AHNAK: variants seen among roughly 807,000 people sequenced by gnomAD.
The protein encoded by AHNAK is neuroblast differentiation-associated protein AHNAK.
Under a neutral mutation model 37.8 loss-of-function variants are expected in AHNAK, and 23 were observed. The ratio of observed to expected loss-of-function variants is 0.61; its 90% CI spans 0.44 to 0.86. The LOEUF is 0.86. Among genes scored for constraint, AHNAK ranks in the 40% least tolerant of loss-of-function variants. The pLI is 0.00. For missense variants in AHNAK, 7,411 were observed against 7,319.4 expected (o/e 1.01, Z -0.46); for synonymous variants, 2,481 against 2,636.3 (o/e 0.94, Z 1.80).
rs760484895 is a variant in AHNAK, at chr11:62,535,142, C to T, written c.203G>A (p.Gly68Asp). The change falls in exon 4 of 5, where the codon GGT (glycine) becomes GAT (aspartate). Residue 68 changes from glycine (G) to aspartate (D), a missense_variant. Gly to Asp is a moderately conservative substitution (Grantham distance 94). Coordinates refer to ENST00000378024, the MANE Select transcript of AHNAK (RefSeq NM_001620.3). ...ATIYFDNLQS[G>D]EVTQLLNTMG... The stretch of plus-strand genomic sequence containing the variant: ...GGTGTTCAGCAGCTGGGTCACCTCA[C>T]CCGACTGCAGGTTGTCAAAGTAGAT... 3.1e-6 allele frequency: 5 copies of T among 1,613,230 alleles called. No homozygotes were observed. Among genetic ancestry groups the T allele is most frequent in the South Asian group, 1.1e-5 (1 of 91,086 alleles).
In AHNAK at chr11:62,524,527, T is replaced by A; in HGVS notation, c.9890A>T (p.Glu3297Val). The A allele has an allele frequency of 6.2e-7, 1 of 1,614,216 alleles. No individual in the cohort carries two copies. Among genetic ancestry groups the A allele is most frequent in the Non-Finnish European group, 8.5e-7 (1 of 1,180,034 alleles). ...TGAGCCTTTCAAATTCAAGTCAATT[T>A]CTGGCATGGAGATCTTGGGCATGTT... ...HVNMPKISMP[E>V]IDLNLKGSKL... The change falls in exon 5 of 5, where the codon GAA becomes GTA. Residue 3297 changes from glutamate to valine, a missense_variant. Transcript: ENST00000378024.
chr11:62,517,479 T>C lies in AHNAK; in HGVS notation c.16938A>G (p.Gln5646=), dbSNP rs768743408. ...TTCCAGATCCACTTTCCAAGTGACC[T>C]TGAGGCCCAGACACACTCAGCCCAG... ...QAPGLSVSGP[Q]GHLESGSGKV... is the part of the protein sequence containing the mutation. The change falls in exon 5 of 5, where the codon CAA becomes CAG. Residue 5646 remains glutamine, a synonymous_variant. Transcript: ENST00000378024. 2 of 1,614,176 alleles carry C rather than the reference T, an allele frequency of 1.2e-6. No individual in the cohort carries two copies. Among genetic ancestry groups the C allele is most frequent in the Non-Finnish European group, 8.5e-7 (1 of 1,180,038 alleles).
rs199992585 is a variant in AHNAK, at chr11:62,519,990, G to C, written c.14427C>G (p.Ile4809Met). ...DVDVSLPKAD[I>M]DVSGPKVDVD... ...CGTCCACCTTGGGTCCCGAGACATC[G>C]ATGTCGGCCTTGGGCAGGCTCACAT... Residue 4809 changes from isoleucine to methionine, a missense_variant, in exon 5 of 5, where the codon ATC becomes ATG. By Grantham distance (10) the Ile-to-Met change is conservative. Coordinates refer to ENST00000378024, the MANE Select transcript of AHNAK (RefSeq NM_001620.3). The C allele has an allele frequency of 2.5e-6, 4 of 1,610,056 alleles. No homozygotes were observed. The African/African-American group carries it at 5.4e-5, about 22-fold the overall frequency.
chr11:62,483,451 G>C (rs1012394300), intron 5 of AHNAK, among the ~76,000 whole-genome samples: 2 of 152,252 alleles, frequency 1.3e-5, no homozygotes, highest in Non-Finnish European at 2.9e-5. Flanking sequence ...GGCGGGCCGG[G>C]CGCGGTGGCT....
At chr11:62,514,485 G>A (rs1270151590), downstream of AHNAK, among the ~76,000 whole-genome samples, 4 of 152,152 alleles carry the variant, frequency 2.6e-5, no homozygotes, top group Non-Finnish European at 4.4e-5. Flanking sequence ...GTGCAGCAGG[G>A]GGTTTCTGTA....
At chr11:62,500,847 G>T (rs954797060) in intron 4 of AHNAK, among the ~76,000 whole-genome samples, 2 of 152,206 alleles carry the variant, frequency 1.3e-5, no homozygotes, top group South Asian at 4.1e-4. Context: ...GCGTTGAGCT[G>T]GGAATGCTCA....
intron 5 of AHNAK, among the ~76,000 whole-genome samples, chr11:62,472,094 C>T (rs1186646830): frequency 2.0e-5 from 3 of 151,700 alleles, no homozygotes; most frequent in Non-Finnish European, 2.9e-5. Flanking sequence ...GGGCTGGCTC[C>T]GTATCAGTCC....
chr11:62,529,204 T>G lies in AHNAK; in HGVS notation c.5213A>C (p.Lys1738Thr). The G allele has an allele frequency of 6.2e-7, 1 of 1,614,210 alleles. No individual in the cohort carries two copies. The highest frequency in any genetic ancestry group is 2.2e-5 in the East Asian group (1 of 44,888). Reference protein sequence around the residue: ...EGPEVDVNLPKADIDVSGPSV... With the variant: ...EGPEVDVNLPTADIDVSGPSV... ...GGGTCCAGACACATCAATGTCAGCC[T>G]TTGGCAGATTCACATCCACTTCAGG... Residue 1738 changes from lysine to threonine, a missense_variant, in exon 5 of 5, where the codon AAG becomes ACG. Transcript: ENST00000378024.
Position 62,518,564 on chromosome 11 carries a change from C to T in AHNAK, c.15853G>A (p.Val5285Ile). Reference protein sequence around the residue: ...GPDVSLKGPGVDLPSVNLSMP... With the variant: ...GPDVSLKGPGIDLPSVNLSMP... The stretch of plus-strand genomic sequence containing the variant: ...GAGAGGTTCACTGAAGGCAAGTCTA[C>T]TCCTGGCCCCTTTAGAGAAACATCG... Residue 5285 changes from valine (V) to isoleucine (I), a missense_variant, in exon 5 of 5, where the codon GTA becomes ATA. Transcript: ENST00000378024. 1 of 1,614,206 alleles carries T rather than the reference C, an allele frequency of 6.2e-7. No individual in the cohort carries two copies. The highest frequency in any genetic ancestry group is 1.7e-5 in the Admixed American group (1 of 60,028).
intron 5 of AHNAK, among the ~76,000 whole-genome samples, chr11:62,482,549 A>G (rs1309790959): frequency 6.6e-6 from 1 of 152,218 alleles, no homozygotes; most frequent in Non-Finnish European, 1.5e-5. Context: ...CTCCACTGCC[A>G]AATCGGGATA....
At position 62,531,728 on chromosome 11, in the gene AHNAK, C is replaced by T. The variant is rs1565243994; in HGVS notation, c.2689G>A (p.Val897Met). Residue 897 changes from valine to methionine, a missense_variant, in exon 5 of 5, where the codon GTG becomes ATG. Val to Met is a conservative substitution (Grantham distance 21). Coordinates refer to ENST00000378024, the MANE Select transcript of AHNAK (RefSeq NM_001620.3). ...MPGFKAEGPE[V>M]DVNLPKADVD... The stretch of plus-strand genomic sequence containing the variant: ...TCAGCCTTGGGCAGGTTCACATCCA[C>T]TTCTGGGCCCTCTGCTTTGAAGCCA... The T allele has an allele frequency of 1.2e-6, 2 of 1,614,068 alleles. No individual in the cohort carries two copies. The highest frequency in any genetic ancestry group is 4.5e-5 in the East Asian group (2 of 44,870).
At chr11:62,466,500 C>A (rs1372788922) in intron 5 of AHNAK, among the ~76,000 whole-genome samples, 4 of 140,186 alleles carry the variant, frequency 2.9e-5, no homozygotes, top group Non-Finnish European at 6.1e-5. Context: ...TTACCAGACT[C>A]TCTTCTCATT....
Position 62,522,903 on chromosome 11 carries a change from G to C in AHNAK, c.11514C>G (p.Pro3838=), listed in dbSNP as rs1940318685. 6.2e-7 allele frequency: 1 copy of C among 1,612,478 alleles called. No individual in the cohort carries two copies. Among genetic ancestry groups the C allele is most frequent in the Middle Eastern group, 1.6e-4 (1 of 6,070 alleles). Residue 3838 remains proline, a synonymous_variant, in exon 5 of 5, where the codon CCC becomes CCG. Transcript: ENST00000378024. The part of the protein sequence containing the change: ...LPKADLDVSG[P]KVDIDVPDVN... ...CATCTGGAACATCAATGTCCACCTT[G>C]GGTCCTGAGACATCAAGGTCAGCCT... is the stretch of plus-strand genomic sequence containing the variant.
intron 5 of AHNAK, among the ~76,000 whole-genome samples, chr11:62,470,345 T>C (rs556881928): frequency 4.0e-5 from 6 of 151,440 alleles, no homozygotes; most frequent in Admixed American, 6.6e-5. Context: ...ACTCAGGAGG[T>C]TGAGGCAAGA....
In AHNAK at chr11:62,518,154, G is replaced by A. The variant is rs377561067; in HGVS notation, c.16263C>T (p.His5421=). 4.8e-5 allele frequency: 78 copies of A among 1,614,136 alleles called. No homozygotes were observed. In the East Asian group the frequency reaches 7.4e-4, roughly 15 times the overall value. The change falls in exon 5 of 5, where the codon CAC becomes CAT. Residue 5421 remains histidine (H), a synonymous_variant. Transcript: ENST00000378024. The part of the protein sequence containing the change: ...FGISTPGSDL[H]VNAKGPQVSG... Reference sequence around the variant, plus strand: ...AAACCTGTGGCCCCTTGGCATTGACGTGCAAGTCGGACCCCGGAGTAGAGA... The same window carrying A: ...AAACCTGTGGCCCCTTGGCATTGACATGCAAGTCGGACCCCGGAGTAGAGA...
rs757080060 is a variant in AHNAK at position 62,524,747 on chromosome 11, A to T, written c.9670T>A (p.Leu3224Met). The change falls in exon 5 of 5, where the codon TTG becomes ATG. Residue 3224 changes from leucine (L) to methionine (M), a missense_variant. By Grantham distance (15) the Leu-to-Met change is conservative. Transcript: ENST00000378024. ...TTAGGGCCTTTAAGATTGAGGTCCA[A>T]ATCAGGCATTGATATTTTAGGAGCT... ...IKAPKISMPD[L>M]DLNLKGPKMK... 15 of 1,614,034 alleles carry T rather than the reference A, an allele frequency of 9.3e-6. No individual in the cohort carries two copies. In the Admixed American group the frequency reaches 2.3e-4, roughly 25 times the overall value.
At chr11:62,497,706 A>C (rs1425541553) in intron 4 of AHNAK, among the ~76,000 whole-genome samples, 2 of 152,228 alleles carry the variant, frequency 1.3e-5, no homozygotes, top group Non-Finnish European at 2.9e-5. Context: ...CACACCTGTA[A>C]TCCCAGCACT....
chr11:62,466,526 A>C (rs1371028075), intron 5 of AHNAK, among the ~76,000 whole-genome samples: 1 of 148,974 alleles, frequency 6.7e-6, no homozygotes, highest in East Asian at 2.0e-4. Flanking sequence ...CAACTCAGTA[A>C]ATGACAAGGC....
chr11:62,489,673 G>T (rs377554299), intron 5 of AHNAK, among the ~76,000 whole-genome samples: 1 of 152,134 alleles, frequency 6.6e-6, no homozygotes, highest in African/African-American at 2.4e-5. Flanking sequence ...CAGGGAGAGG[G>T]GGAGTGGAGG....
Sources: gnomAD v4.1 joint callset for allele counts (sites outside exome capture counted in the v4.1 genomes callset) on GRCh38, gnomAD v4.1.1 for gene constraint, MANE v1.5 for transcripts, NCBI Gene and HGNC (gene_info 2026-07-23, HGNC 2026-07-21) for gene names.